The following S100A3 variants were observed in gnomAD, a reference collection of about 807,000 sequenced individuals.
S100A3 encodes protein S100-A3.
A neutral mutation model predicts 8.0 loss-of-function variants in S100A3; 11 were observed. The ratio of observed to expected loss-of-function variants is 1.37; its 90% CI spans 0.86 to 2.27. The LOEUF (loss-of-function observed/expected upper bound fraction) is 2.27. Among genes scored for constraint, S100A3 ranks in the 30% most tolerant of loss-of-function variants. S100A3 has a pLI of 0.00. For synonymous variants in S100A3, 43 were observed against 49.6 expected, an observed-to-expected ratio of 0.87 and a Z score of 0.56; for missense variants, 124 against 127.1, an observed-to-expected ratio of 0.98 and a Z score of 0.12.
rs962953725 is a variant in S100A3 at position 153,548,354 on chromosome 1, G to A, written c.132C>T (p.Thr44=). ...CACTCTGACTGCTCACCGGGGTCCAGGTGGCCAGCTCCTTCTGCAGCAGCT... is the reference window on the plus strand; with the variant it reads ...CACTCTGACTGCTCACCGGGGTCCAAGTGGCCAGCTCCTTCTGCAGCAGCT... ...LKELLQKELA[T]WTPTEFRECD... Residue 44 remains threonine, a synonymous_variant, in exon 2 of 3, where the codon ACC becomes ACT. Transcript: ENST00000368713. The A allele has an allele frequency of 1.2e-6, 2 of 1,613,602 alleles. No homozygotes were observed. Among genetic ancestry groups the A allele is most frequent in the Non-Finnish European group, 1.7e-6 (2 of 1,179,974 alleles).
intron 2 of S100A3, 70 bp downstream of exon 2, chr1:153,548,275 G>A: frequency 2.3e-5 from 36 of 1,590,504 alleles, no homozygotes; most frequent in South Asian, 1.3e-4. Context: ...TTGTCCCCAG[G>A]TCTCTCTTTG....
chr1:153,548,250 C>G (rs1419330577), intron 2 of S100A3, 95 bp downstream of exon 2: 1 of 1,524,460 alleles, frequency 6.6e-7, no homozygotes, highest in East Asian at 2.3e-5. Context: ...CCTTGCTGTC[C>G]TGTGCTCATG....
chr1:153,549,050 AG>A, intron 1 of S100A3, 130 bp downstream of exon 1: 1 of 152,986 alleles, frequency 6.5e-6, no homozygotes, highest in Non-Finnish European at 1.5e-5. Context: ...CCTGAACTCG[AG>A]GAAGCTGCAC....
In S100A3 at chr1:153,547,865, G is replaced by C; in HGVS notation, c.142-19C>G. 1 of 1,610,218 alleles carries C rather than the reference G, an allele frequency of 6.2e-7. No homozygotes were observed. Among genetic ancestry groups the C allele is most frequent in the Non-Finnish European group, 8.5e-7 (1 of 1,177,390 alleles). ...ACTCAGTCTGTGCAAGGGAAGGGTT[G>C]GGAGAGGTAAGGGAGTAGGATGAGG... On this transcript the variant is annotated intron_variant, in intron 2 of 2. Transcript: ENST00000368713. This position sits in a 1 kb window ranked among gnomAD's most constrained non-coding sequence, Gnocchi z 4.0.
Position 153,547,755 on chromosome 1 carries a change from G to A in S100A3, c.233C>T (p.Ser78Leu), listed in dbSNP as rs756530208. Residue 78 changes from serine (S) to leucine (L), a missense_variant, in exon 3 of 3, where the codon TCA becomes TTA. Ser to Leu is a moderately radical substitution (Grantham distance 145, BLOSUM62 -2). Coordinates refer to ENST00000368713, the MANE Select transcript of S100A3 (RefSeq NM_002960.2). This position sits in a 1 kb window ranked among gnomAD's most constrained non-coding sequence, Gnocchi z 4.0. ...CEVDFVEYVR[S>L]LACLCLYCHE... is the part of the protein sequence containing the mutation. ...GCAGTAGAGACAGAGGCAGGCAAGT[G>A]AGCGCACATACTCCACAAAGTCCAC... 6.2e-7 allele frequency: 1 copy of A among 1,614,070 alleles called. No homozygotes were observed. Among genetic ancestry groups the A allele is most frequent in the South Asian group, 1.1e-5 (1 of 91,088 alleles).
Position 153,547,781 on chromosome 1 carries a change from C to A in S100A3, c.207G>T (p.Glu69Asp), listed in dbSNP as rs1428264176. ...MSVLDTNKDC[E>D]VDFVEYVRSL... ...AGCGCACATACTCCACAAAGTCCAC[C>A]TCGCAGTCCTTGTTGGTGTCCAGAA... is the stretch of plus-strand genomic sequence containing the variant. Residue 69 changes from glutamate (E) to aspartate (D), a missense_variant, in exon 3 of 3, where the codon GAG becomes GAT. Transcript: ENST00000368713. The surrounding 1 kb of genome is among the most constrained non-coding windows in gnomAD (Gnocchi z 4.0). 6.2e-7 allele frequency: 1 copy of A among 1,613,000 alleles called. No individual in the cohort carries two copies. The highest frequency in any genetic ancestry group is 1.1e-5 in the South Asian group (1 of 91,092).
In S100A3 at chr1:153,547,897, G is replaced by A. The variant is rs1166504293; in HGVS notation, c.142-51C>T. 1.3e-6 allele frequency: 2 copies of A among 1,566,406 alleles called. No homozygotes were observed. The highest frequency in any genetic ancestry group is 2.7e-5 in the African/African-American group (2 of 74,210). On this transcript the variant is annotated intron_variant, in intron 2 of 2. Coordinates refer to ENST00000368713, the MANE Select transcript of S100A3 (RefSeq NM_002960.2). This position sits in a 1 kb window ranked among gnomAD's most constrained non-coding sequence, Gnocchi z 4.0. ...GTAAGGGAGTAGGATGAGGAGGGCA[G>A]AACAGCCTCACACGCCACCTCCCTC... is the stretch of plus-strand genomic sequence containing the variant.
At position 153,548,399 on chromosome 1, in the gene S100A3, G is replaced by A. The variant is rs750821460; in HGVS notation, c.87C>T (p.Leu29=). 2 of 1,613,808 alleles carry A rather than the reference G, an allele frequency of 1.2e-6. No individual in the cohort carries two copies. Among genetic ancestry groups the A allele is most frequent in the East Asian group, 4.5e-5 (2 of 44,888 alleles). The change falls in exon 2 of 3, where the codon CTC becomes CTT. Residue 29 remains leucine, a synonymous_variant. Transcript: ENST00000368713. ...YAGRCGDKYK[L]CQAELKELLQ... ...GCAGCTCCTTGAGCTCCGCCTGGCA[G>A]AGCTTGTATTTGTCCCCACAGCGCC...
chr1:153,547,892 G>A lies in S100A3; in HGVS notation c.142-46C>T, dbSNP rs1487093074. 1.3e-6 allele frequency: 2 copies of A among 1,575,234 alleles called. No individual in the cohort carries two copies. The highest frequency in any genetic ancestry group is 1.7e-6 in the Non-Finnish European group (2 of 1,152,212). ...GAGAGGTAAGGGAGTAGGATGAGGA[G>A]GGCAGAACAGCCTCACACGCCACCT... On this transcript the variant is annotated intron_variant, in intron 2 of 2. Coordinates refer to ENST00000368713, the MANE Select transcript of S100A3 (RefSeq NM_002960.2). The surrounding 1 kb of genome is among the most constrained non-coding windows in gnomAD (Gnocchi z 4.0).
rs1665620985 is a variant in S100A3 at position 153,547,869 on chromosome 1, GA to G, written c.142-24del. ...AGTCTGTGCAAGGGAAGGGTTGGGAGAGGTAAGGGAGTAGGATGAGGAGGGC... is the reference window on the plus strand; with the variant it reads ...AGTCTGTGCAAGGGAAGGGTTGGGAGGGTAAGGGAGTAGGATGAGGAGGGC... On this transcript the variant is annotated intron_variant, in intron 2 of 2. Transcript: ENST00000368713. The surrounding 1 kb of genome is among the most constrained non-coding windows in gnomAD (Gnocchi z 4.0). 1.2e-6 allele frequency: 2 copies of G among 1,606,774 alleles called. No individual in the cohort carries two copies. Among genetic ancestry groups the G allele is most frequent in the Non-Finnish European group, 1.7e-6 (2 of 1,174,786 alleles).
At chr1:153,548,980 G>T in intron 1 of S100A3, 1 of 155,070 alleles carries the variant, frequency 6.4e-6, no homozygotes, top group Non-Finnish European at 1.4e-5. Flanking sequence ...TAGCAGGGAG[G>T]GGCAGGTCTG....
chr1:153,547,392 C>G lies in S100A3; in HGVS notation c.*290G>C. Reference sequence around the variant, plus strand: ...TTCCCATCGTGGTCTCATTGGTGCACGCTCTGCTGAGCCTCGAGGGCCTCA... The same window carrying G: ...TTCCCATCGTGGTCTCATTGGTGCAGGCTCTGCTGAGCCTCGAGGGCCTCA... On this transcript the variant is annotated 3_prime_UTR_variant, in exon 3 of 3. Transcript: ENST00000368713. This position sits in a 1 kb window ranked among gnomAD's most constrained non-coding sequence, Gnocchi z 4.0. 1 of 385,036 alleles carries G rather than the reference C, an allele frequency of 2.6e-6. No individual in the cohort carries two copies. Among genetic ancestry groups the G allele is most frequent in the South Asian group, 6.0e-5 (1 of 16,720 alleles). The allele number at this position is 385,036 out of a possible 1,614,324, so 23.9% of individuals were successfully genotyped here. A position where few individuals can be genotyped will look rare whatever the true frequency, so the allele number is the denominator to read the frequency against.
chr1:153,547,958 T>C lies in S100A3; in HGVS notation c.142-112A>G. 1 of 1,164,350 alleles carries C rather than the reference T, an allele frequency of 8.6e-7. No homozygotes were observed. The highest frequency in any genetic ancestry group is 1.4e-5 in the South Asian group (1 of 70,894). The allele number at this position is 1,164,350 out of a possible 1,614,324, so 72.1% of individuals were successfully genotyped here. On this transcript the variant is annotated intron_variant, in intron 2 of 2. Transcript: ENST00000368713. This position sits in a 1 kb window ranked among gnomAD's most constrained non-coding sequence, Gnocchi z 4.0. ...CAAGTGGACCCACCCCACCCCAAAC[T>C]ACACCCTTCTGAGGGCCGACTTCAA... is the stretch of plus-strand genomic sequence containing the variant.
At position 153,548,421 on chromosome 1, in the gene S100A3, C is replaced by T. The variant is rs536244244; in HGVS notation, c.65G>A (p.Arg22His). 20 of 1,613,534 alleles carry T rather than the reference C, an allele frequency of 1.2e-5. No homozygotes were observed. The highest frequency in any genetic ancestry group is 6.7e-5 in the African/African-American group (5 of 75,018). The part of the protein sequence containing the change: ...IVCTFQEYAG[R>H]CGDKYKLCQA... ...GCAGAGCTTGTATTTGTCCCCACAG[C>T]GCCCTGCGTATTCCTGGAAGGTGCA... Residue 22 changes from arginine to histidine, a missense_variant, in exon 2 of 3, where the codon CGC becomes CAC. Transcript: ENST00000368713.
In S100A3 at chr1:153,547,700, C is replaced by T; in HGVS notation, c.288G>A (p.Glu96=). Residue 96 remains glutamate (E), a synonymous_variant, in exon 3 of 3, where the codon GAG becomes GAA. Transcript: ENST00000368713. This position sits in a 1 kb window ranked among gnomAD's most constrained non-coding sequence, Gnocchi z 4.0. ...CHEYFKDCPS[E]PPCSQ ...GCAGAGGCTACTGGGAGCAGGGGGG[C>T]TCTGAGGGGCAGTCCTTGAAGTACT... 1 of 1,613,868 alleles carries T rather than the reference C, an allele frequency of 6.2e-7. No homozygotes were observed. Among genetic ancestry groups the T allele is most frequent in the Non-Finnish European group, 8.5e-7 (1 of 1,179,856 alleles).
chr1:153,548,552 T>G, intron 1 of S100A3, 62 bp from the exon 2 acceptor site: 1 of 1,517,544 alleles, frequency 6.6e-7, no homozygotes, highest in South Asian at 1.3e-5. Flanking sequence ...AGCTCACCTC[T>G]GCCCTCTGTG....
Position 153,547,808 on chromosome 1 carries a change from A to G in S100A3, c.180T>C (p.Ser60=). 1 of 1,613,842 alleles carries G rather than the reference A, an allele frequency of 6.2e-7. No homozygotes were observed. Among genetic ancestry groups the G allele is most frequent in the Non-Finnish European group, 8.5e-7 (1 of 1,179,894 alleles). Residue 60 remains serine (S), a synonymous_variant, in exon 3 of 3, where the codon AGT becomes AGC. Coordinates refer to ENST00000368713, the MANE Select transcript of S100A3 (RefSeq NM_002960.2). The surrounding 1 kb of genome is among the most constrained non-coding windows in gnomAD (Gnocchi z 4.0). ...CGCAGTCCTTGTTGGTGTCCAGAAC[A>G]CTCATGAATTTGTTGTAGTCACATT... ...FRECDYNKFM[S]VLDTNKDCEV...
chr1:153,547,973 G>T lies in S100A3; in HGVS notation c.142-127C>A. On this transcript the variant is annotated intron_variant, in intron 2 of 2. Coordinates refer to ENST00000368713, the MANE Select transcript of S100A3 (RefSeq NM_002960.2). This position sits in a 1 kb window ranked among gnomAD's most constrained non-coding sequence, Gnocchi z 4.0. The stretch of plus-strand genomic sequence containing the variant: ...CACCCCAAACTACACCCTTCTGAGG[G>T]CCGACTTCAACCTCCCTGCTCTGAT... The T allele has an allele frequency of 1.0e-6, 1 of 983,752 alleles. No individual in the cohort carries two copies. The highest frequency in any genetic ancestry group is 1.5e-6 in the Non-Finnish European group (1 of 657,296). 60.9% of individuals were successfully genotyped at this position (983,752 alleles called of 1,614,324 possible). A position where few individuals can be genotyped will look rare whatever the true frequency, so the allele number is the denominator to read the frequency against.
At chr1:153,548,518 A>G (rs1665640706) in intron 1 of S100A3, 28 bp from the exon 2 acceptor site, 1 of 1,548,230 alleles carries the variant, frequency 6.5e-7, no homozygotes, top group Non-Finnish European at 8.7e-7. Flanking sequence ...TGTGGCTCAC[A>G]GCAGAGTTCC....
Sources: gnomAD v4.1 joint callset for allele counts on GRCh38, gnomAD v4.1.1 for gene constraint, Gnocchi (gnomAD v3.1) non-coding constraint, MANE v1.5 for transcripts, NCBI Gene and HGNC (gene_info 2026-07-23, HGNC 2026-07-21) for gene names.